Variants in PLPPR1 observed in about 807,000 individuals in gnomAD.
PLPPR1 encodes phospholipid phosphatase-related protein type 1.
Under a neutral mutation model 33.1 loss-of-function variants are expected in PLPPR1, and 10 were observed. That is an observed-to-expected ratio of 0.30 (90% confidence interval 0.19 to 0.51). The LOEUF (loss-of-function observed/expected upper bound fraction) is 0.51, where lower values mean the gene tolerates loss of function less well. PLPPR1 is among the 20% of genes least tolerant of loss of function. PLPPR1 has a pLI of 0.97. For synonymous variants in PLPPR1, 151 were observed against 151.0 expected (o/e 1.00, Z 0.00); for missense variants, 304 against 408.1 (o/e 0.74, Z 2.20).
intron 3 of PLPPR1, among the ~76,000 whole-genome samples, chr9:101,284,055 T>C (rs1163838913): frequency 6.6e-6 from 1 of 151,998 alleles, no homozygotes; most frequent in Non-Finnish European, 1.5e-5. Flanking sequence ...AGCCATCGTA[T>C]AGGAATCCAT....
rs1321412464 is a variant in PLPPR1 at position 101,246,087 on chromosome 9, T to TAGATAG, written c.64-23792_64-23791insGATAGA. Reference sequence around the variant, plus strand: ...ATATATATATATATATATATATATATATATATATATATATATATATATAGA... The same window carrying TAGATAG: ...ATATATATATATATATATATATATATAGATAGATATATATATATATATATATATAGA... On this transcript the variant is annotated intron_variant, in intron 2 of 7. Coordinates refer to ENST00000374874, the MANE Select transcript of PLPPR1 (RefSeq NM_207299.2). Among the ~76,000 whole-genome samples the TAGATAG allele has an allele frequency of 2.5e-3, 257 of 104,418 alleles. 7 individuals carry two copies. Among genetic ancestry groups the TAGATAG allele is most frequent in the African/African-American group, 7.3e-3 (226 of 30,784 alleles). The allele number at this position is 104,418 out of a possible 152,430, so 68.5% of individuals were successfully genotyped here.
rs146080149 is a variant in PLPPR1, at chr9:101,257,215, C to G, written c.64-12665C>G. Among the ~76,000 whole-genome samples the G allele has an allele frequency of 7.1e-3, 1,082 of 152,088 alleles. 11 individuals carry two copies. The highest frequency in any genetic ancestry group is 0.025 in the African/African-American group (1,017 of 41,424). Reference sequence around the variant, plus strand: ...TTCTCCTGGCCCCAGATACTTATCTCTCTGTCTCATGTCCCCACACTCCCT... The same window carrying G: ...TTCTCCTGGCCCCAGATACTTATCTGTCTGTCTCATGTCCCCACACTCCCT... On this transcript the variant is annotated intron_variant, in intron 2 of 7. Coordinates refer to ENST00000374874, the MANE Select transcript of PLPPR1 (RefSeq NM_207299.2).
At chr9:101,219,647 C>A (rs1588078697) in intron 2 of PLPPR1, among the ~76,000 whole-genome samples, 1 of 152,282 alleles carries the variant, frequency 6.6e-6, no homozygotes, top group African/African-American at 2.4e-5. Context: ...TTTGACTGTG[C>A]TGCTCCTCAT....
In PLPPR1 at chr9:101,056,619, C is replaced by T. The variant is rs57833001; in HGVS notation, c.-46+27517C>T. Among the ~76,000 whole-genome samples the T allele has an allele frequency of 5.9e-5, 9 of 152,172 alleles. No individual in the cohort carries two copies. In the East Asian group the frequency reaches 1.7e-3, roughly 29 times the overall value. On this transcript the variant is annotated intron_variant, in intron 1 of 7. Transcript: ENST00000374874. ...CCCAGAATATTATGAAAATGCAAGA[C>T]AAACAAGATGAGAGTGAAATCATCA...
chr9:101,079,666 G>C (rs1481165425), intron 1 of PLPPR1, among the ~76,000 whole-genome samples: 3 of 150,896 alleles, frequency 2.0e-5, no homozygotes, highest in Non-Finnish European at 4.4e-5. Context: ...TGCAACCTCT[G>C]TCTCCCAGGT....
chr9:101,153,197 G>C (rs544996303), intron 1 of PLPPR1, among the ~76,000 whole-genome samples: 1 of 152,210 alleles, frequency 6.6e-6, no homozygotes, highest in East Asian at 1.9e-4. Flanking sequence ...TTGGCTCTCT[G>C]TCTGTTACTG....
chr9:101,155,061 G>A (rs1036553866), intron 1 of PLPPR1, among the ~76,000 whole-genome samples: 102 of 151,746 alleles, frequency 6.7e-4, no homozygotes, highest in African/African-American at 2.4e-3. Flanking sequence ...GTATACATAC[G>A]TAACAAACCT....
intron 2 of PLPPR1, among the ~76,000 whole-genome samples, chr9:101,230,516 G>A (rs924509426): frequency 3.3e-5 from 5 of 152,092 alleles, no homozygotes; most frequent in African/African-American, 1.2e-4. Flanking sequence ...TTGGGAGCCA[G>A]CTACCACAGG....
chr9:101,148,694 C>T (rs997076222), intron 1 of PLPPR1, among the ~76,000 whole-genome samples: 1 of 152,122 alleles, frequency 6.6e-6, no homozygotes, highest in Non-Finnish European at 1.5e-5. Flanking sequence ...TTCACTTGGT[C>T]ACACCAATTG....
At chr9:101,238,074 G>A (rs1385382636) in intron 2 of PLPPR1, among the ~76,000 whole-genome samples, 18 of 133,528 alleles carry the variant, frequency 1.3e-4, no homozygotes, top group African/African-American at 5.0e-4. Context: ...ACGTGTGTGT[G>A]TATATATATA....
intron 1 of PLPPR1, among the ~76,000 whole-genome samples, chr9:101,142,852 A>C (rs1831470836): frequency 6.6e-6 from 1 of 152,160 alleles, no homozygotes; most frequent in Non-Finnish European, 1.5e-5. Flanking sequence ...AACTGAGATC[A>C]GATTGTGATA....
chr9:101,066,904 C>T (rs1830424972), intron 1 of PLPPR1, among the ~76,000 whole-genome samples: 1 of 151,962 alleles, frequency 6.6e-6, no homozygotes, highest in Admixed American at 6.6e-5. Context: ...CCCAGCCTAC[C>T]ATTTATAAAC....
At chr9:101,309,099 T>C (rs1282740873) in intron 4 of PLPPR1, 112 bp from the exon 5 acceptor site, 3 of 1,097,728 alleles carry the variant, frequency 2.7e-6, no homozygotes, top group Non-Finnish European at 4.0e-6. Context: ...CGGGGAGTAC[T>C]TAGAATCATT....
chr9:101,148,820 C>T (rs995967160), intron 1 of PLPPR1, among the ~76,000 whole-genome samples: 6 of 152,080 alleles, frequency 3.9e-5, no homozygotes, highest in African/African-American at 1.4e-4. Flanking sequence ...TATTCCAGGG[C>T]ATATTTAGAA....
At chr9:101,307,466 C>G (rs1828877696) in intron 4 of PLPPR1, among the ~76,000 whole-genome samples, 3 of 152,182 alleles carry the variant, frequency 2.0e-5, no homozygotes, top group Admixed American at 2.0e-4. Context: ...TGTAGAAAAT[C>G]TCCAACCATT....
At chr9:101,241,562 C>G (rs1032522485) in intron 2 of PLPPR1, among the ~76,000 whole-genome samples, 1 of 152,120 alleles carries the variant, frequency 6.6e-6, no homozygotes, top group Admixed American at 6.5e-5. Context: ...CTTCACACCC[C>G]ATTTTGGTTA....
chr9:101,054,926 A>G (rs2118452213), intron 1 of PLPPR1, among the ~76,000 whole-genome samples: 1 of 152,304 alleles, frequency 6.6e-6, no homozygotes, highest in East Asian at 1.9e-4. Context: ...GCATGAAGGC[A>G]GGGACGGTCT....
chr9:101,186,627 A>G (rs1757868438), intron 2 of PLPPR1, among the ~76,000 whole-genome samples: 1 of 152,038 alleles, frequency 6.6e-6, no homozygotes, highest in Non-Finnish European at 1.5e-5. Context: ...AAGAACTTTT[A>G]TGTTCTCCAA....
At chr9:101,317,762 A>G (rs1461633150) in intron 7 of PLPPR1, among the ~76,000 whole-genome samples, 2 of 152,228 alleles carry the variant, frequency 1.3e-5, no homozygotes, top group East Asian at 3.8e-4. Flanking sequence ...TTTGACCTAC[A>G]ATATAATATC....
Sources: gnomAD v4.1 joint callset for allele counts (sites outside exome capture counted in the v4.1 genomes callset) on GRCh38, gnomAD v4.1.1 for gene constraint, MANE v1.5 for transcripts, NCBI Gene and HGNC (gene_info 2026-07-23, HGNC 2026-07-21) for gene names.